SMARCC1: variants seen among roughly 807,000 people sequenced by gnomAD.
The protein encoded by SMARCC1 is SWI/SNF complex subunit SMARCC1.
Under a neutral mutation model 147.4 loss-of-function variants are expected in SMARCC1, and 43 were observed. The ratio of observed to expected loss-of-function variants is 0.29; its 90% CI spans 0.23 to 0.38. The LOEUF (loss-of-function observed/expected upper bound fraction) is 0.38, where lower values mean the gene tolerates loss of function less well. SMARCC1 is among the 10% of genes least tolerant of loss of function. The pLI is 1.00. For missense variants in SMARCC1, 1,119 were observed against 1,381.1 expected, an observed-to-expected ratio of 0.81 and a Z score of 3.01; for synonymous variants, 495 against 484.4, an observed-to-expected ratio of 1.02 and a Z score of -0.29.
intron 9 of SMARCC1, among the ~76,000 whole-genome samples, chr3:47,709,224 G>A (rs909543209): frequency 1.3e-4 from 20 of 151,762 alleles, no homozygotes; most frequent in African/African-American, 4.8e-4. Flanking sequence ...TCATTCCACT[G>A]CACTCCAGCC....
rs186818836 is a variant in SMARCC1 at position 47,718,191 on chromosome 3, T to A, written c.716+2475A>T. ...CAGGCACGGTGGCTCACACCTATAA[T>A]CCCAGCACTTTGGGAGGCCAAGGTG... On this transcript the variant is annotated intron_variant, in intron 7 of 27. Coordinates refer to ENST00000254480, the MANE Select transcript of SMARCC1 (RefSeq NM_003074.4). Among the ~76,000 whole-genome samples, 150 of 130,192 alleles carry A rather than the reference T, an allele frequency of 1.2e-3. 1 individual carries two copies. The East Asian group carries it at 0.031, about 27-fold the overall frequency. 85.4% of individuals were successfully genotyped at this position (130,192 alleles called of 152,430 possible).
At chr3:47,663,207 GAGGGGAGGA>G (rs2033373618) in intron 19 of SMARCC1, among the ~76,000 whole-genome samples, 1 of 70,678 alleles carries the variant, frequency 1.4e-5, no homozygotes, top group African/African-American at 5.3e-5. Context: ...GTGGGGAGGG[GAGGGGAGGA>G]AGGAAGGAAG....
intron 21 of SMARCC1, among the ~76,000 whole-genome samples, chr3:47,655,394 G>A (rs2033247960): frequency 6.6e-6 from 1 of 151,642 alleles, no homozygotes; most frequent in South Asian, 2.1e-4. Flanking sequence ...GCGAGACACT[G>A]TCTCAAAAAA....
chr3:47,596,203 G>A (rs930706221), intron 26 of SMARCC1, among the ~76,000 whole-genome samples: 1 of 152,164 alleles, frequency 6.6e-6, no homozygotes, highest in African/African-American at 2.4e-5. Flanking sequence ...CTTAGTGAAA[G>A]GTTCTGAAAA....
intron 11 of SMARCC1, among the ~76,000 whole-genome samples, chr3:47,698,353 TAAAATATAAATGTG>T (rs2033879339): frequency 2.6e-5 from 4 of 152,014 alleles, no homozygotes; most frequent in Admixed American, 2.6e-4. Flanking sequence ...CACACCATGG[TAAAATATAAATGTG>T]TTCTTTCGAA....
intron 24 of SMARCC1, 120 bp from the exon 25 acceptor site, chr3:47,622,461 C>G: frequency 1.1e-6 from 1 of 890,792 alleles, no homozygotes; most frequent in Non-Finnish European, 1.8e-6. Context: ...TATATGTCTC[C>G]TTTGTAACGT....
rs141171456 is a variant in SMARCC1, at chr3:47,756,821, G to A, written c.316-10828C>T. 8.5e-4 allele frequency among the ~76,000 whole-genome samples: 129 copies of A among 152,152 alleles called. 2 individuals carry two copies. Among genetic ancestry groups the A allele is most frequent in the African/African-American group, 2.6e-3 (108 of 41,518 alleles). ...TGGTATTTTACAGAAAAAGTTTACCGTTTCCTGCTGTATATGACAAGTACA... is the reference window on the plus strand; with the variant it reads ...TGGTATTTTACAGAAAAAGTTTACCATTTCCTGCTGTATATGACAAGTACA... On this transcript the variant is annotated intron_variant, in intron 2 of 27. Coordinates refer to ENST00000254480, the MANE Select transcript of SMARCC1 (RefSeq NM_003074.4).
At chr3:47,699,444 A>G (rs2033891970) in intron 11 of SMARCC1, among the ~76,000 whole-genome samples, 1 of 152,066 alleles carries the variant, frequency 6.6e-6, no homozygotes. Context: ...ACAACACACC[A>G]TCAGCTGAGT....
chr3:47,727,868 G>C (rs1187508178), intron 6 of SMARCC1, among the ~76,000 whole-genome samples: 4 of 151,966 alleles, frequency 2.6e-5, no homozygotes, highest in African/African-American at 9.7e-5. Context: ...TGGGATTACA[G>C]GCCTGAGCCA....
At chr3:47,609,337 A>C (rs1274338140) in intron 26 of SMARCC1, among the ~76,000 whole-genome samples, 1 of 152,150 alleles carries the variant, frequency 6.6e-6, no homozygotes, top group Non-Finnish European at 1.5e-5. Flanking sequence ...TCTACTAAAA[A>C]TACAAAAAAA....
At chr3:47,713,315 C>T (rs1233957193) in intron 8 of SMARCC1, among the ~76,000 whole-genome samples, 1 of 118,932 alleles carries the variant, frequency 8.4e-6, no homozygotes, top group African/African-American at 3.6e-5. Context: ...CAGACTCCGT[C>T]TCAAAATAAA....
chr3:47,732,018 TAGA>T lies in SMARCC1; in HGVS notation c.577-2927_577-2925del, dbSNP rs61062192. Reference sequence around the variant, plus strand: ...AGTCCTAAATAGCATCTTATTTTAATAGAAGACTATTTCATTTACATTGAACAT... The same window carrying T: ...AGTCCTAAATAGCATCTTATTTTAATAGACTATTTCATTTACATTGAACAT... On this transcript the variant is annotated intron_variant, in intron 5 of 27. Coordinates refer to ENST00000254480, the MANE Select transcript of SMARCC1 (RefSeq NM_003074.4). 4.2e-3 allele frequency among the ~76,000 whole-genome samples: 642 copies of T among 152,366 alleles called. 6 individuals carry two copies. Among genetic ancestry groups the T allele is most frequent in the African/African-American group, 0.015 (619 of 41,592 alleles).
At chr3:47,635,486 G>A (rs373374791) in intron 23 of SMARCC1, 142 bp from the exon 24 acceptor site, 50 of 750,294 alleles carry the variant, frequency 6.7e-5, no homozygotes, top group East Asian at 2.1e-4. Flanking sequence ...GAGTTCTGTT[G>A]AGCCATTCCA....
At position 47,600,715 on chromosome 3, in the gene SMARCC1, C is replaced by G. The variant is rs529045684; in HGVS notation, c.3043+9351G>C. 2.6e-5 allele frequency among the ~76,000 whole-genome samples: 4 copies of G among 152,218 alleles called. No homozygotes were observed. The South Asian group carries it at 8.3e-4, about 32-fold the overall frequency. ...TGAAATGGGGTAGAATTTAAGAAGA[C>G]TCAGGAGAAGACAAAATCAATTTCG... On this transcript the variant is annotated intron_variant, in intron 26 of 27. Transcript: ENST00000254480.
chr3:47,630,172 G>T (rs1278178589), intron 24 of SMARCC1, among the ~76,000 whole-genome samples: 1 of 148,726 alleles, frequency 6.7e-6, no homozygotes, highest in African/African-American at 2.5e-5. Flanking sequence ...CTGGGGCAGG[G>T]TGGGGGTGGG....
chr3:47,705,165 T>C (rs2033976179), intron 10 of SMARCC1, among the ~76,000 whole-genome samples: 1 of 150,920 alleles, frequency 6.6e-6, no homozygotes, highest in Admixed American at 6.6e-5. Context: ...CTACTAAAAA[T>C]ACAAAAAAAA....
At chr3:47,639,030 T>C (rs933521189) in intron 21 of SMARCC1, among the ~76,000 whole-genome samples, 1 of 152,200 alleles carries the variant, frequency 6.6e-6, no homozygotes, top group Non-Finnish European at 1.5e-5. Context: ...GGGTGAATTA[T>C]ACAGAAAGCA....
intron 5 of SMARCC1, among the ~76,000 whole-genome samples, chr3:47,733,806 G>T (rs1244206799): frequency 2.7e-5 from 4 of 146,540 alleles, no homozygotes; most frequent in African/African-American, 1.0e-4. Context: ...AGAGCTTGCA[G>T]TGAGCCAAGA....
intron 7 of SMARCC1, among the ~76,000 whole-genome samples, chr3:47,714,907 G>A (rs972271915): frequency 6.6e-5 from 10 of 152,086 alleles, no homozygotes; most frequent in Admixed American, 5.2e-4. Context: ...CCTCTGTAGA[G>A]GTCACCAGTA....
Sources: gnomAD v4.1 joint callset for allele counts (sites outside exome capture counted in the v4.1 genomes callset) on GRCh38, gnomAD v4.1.1 for gene constraint, MANE v1.5 for transcripts, NCBI Gene and HGNC (gene_info 2026-07-23, HGNC 2026-07-21) for gene names.